Variants in AP4E1 observed in about 807,000 individuals in gnomAD.
AP4E1 encodes AP-4 complex subunit epsilon-1.
In AP4E1, 56 loss-of-function variants were observed where a neutral mutation model predicts 128.2. The ratio of observed to expected loss-of-function variants is 0.44; its 90% CI spans 0.35 to 0.55. The LOEUF is 0.55. Ranked by LOEUF, AP4E1 falls within the 20% of genes least tolerant of loss-of-function variation. The pLI is 0.00. For synonymous variants in AP4E1, 484 were observed against 473.1 expected, an observed-to-expected ratio of 1.02 and a Z score of -0.30; for missense variants, 1,324 against 1,307.7, an observed-to-expected ratio of 1.01 and a Z score of -0.19.
chr15:50,987,603 T>A (rs1157092008), intron 16 of AP4E1, among the ~76,000 whole-genome samples: 2 of 152,226 alleles, frequency 1.3e-5, no homozygotes, highest in African/African-American at 4.8e-5. Context: ...TTCCATGTAG[T>A]TGAGCGGTTT....
intron 15 of AP4E1, among the ~76,000 whole-genome samples, chr15:50,979,833 T>G (rs1254956390): frequency 1.3e-5 from 2 of 152,202 alleles, no homozygotes; most frequent in African/African-American, 4.8e-5. Context: ...CATTATAAAT[T>G]ACCTGTTCTG....
rs1283835710 is a variant in AP4E1 at position 50,958,762 on chromosome 15, C to G, written c.1819C>G (p.Leu607Val). The change falls in exon 14 of 21, where the codon CTT (leucine) becomes GTT (valine). Residue 607 changes from leucine (L) to valine (V), a missense_variant. Coordinates refer to ENST00000261842, the MANE Select transcript of AP4E1 (RefSeq NM_007347.5). ...HENVELMKSL[L>V]PVDRSCEDLV... ...GAATGTGGAACTTATGAAGAGCTTG[C>G]TTCCAGTTGACAGGAGTTGTGAAGA... is the stretch of plus-strand genomic sequence containing the variant. The G allele has an allele frequency of 6.2e-7, 1 of 1,614,034 alleles. No individual in the cohort carries two copies. The highest frequency in any genetic ancestry group is 1.3e-5 in the African/African-American group (1 of 74,940).
At chr15:50,956,858 C>G (rs966255479) in intron 13 of AP4E1, among the ~76,000 whole-genome samples, 13 of 152,180 alleles carry the variant, frequency 8.5e-5, no homozygotes, top group Admixed American at 1.3e-4. Context: ...CCCCTTGACC[C>G]CTTTGTGGGC....
intron 16 of AP4E1, among the ~76,000 whole-genome samples, chr15:50,986,899 G>T (rs933070821): frequency 6.6e-6 from 1 of 152,272 alleles, no homozygotes; most frequent in East Asian, 1.9e-4. Context: ...GCTCCTCCTT[G>T]TACCTCTGGT....
intron 18 of AP4E1, 142 bp from the exon 19 acceptor site, chr15:50,998,930 G>A (rs2064919213): frequency 2.7e-6 from 2 of 730,916 alleles, no homozygotes; most frequent in Non-Finnish European, 4.6e-6. Context: ...GAAGTTGCCA[G>A]TCATCTTCAT....
intron 16 of AP4E1, among the ~76,000 whole-genome samples, chr15:50,985,572 T>C (rs2064709409): frequency 6.6e-6 from 1 of 152,230 alleles, no homozygotes; most frequent in Non-Finnish European, 1.5e-5. Context: ...TAGGGAATCC[T>C]TTCCCCATTT....
intron 7 of AP4E1, among the ~76,000 whole-genome samples, chr15:50,931,835 G>A (rs1245601653): frequency 6.6e-6 from 1 of 151,968 alleles, no homozygotes; most frequent in Non-Finnish European, 1.5e-5. Flanking sequence ...TTAGGCCTGC[G>A]GGCTATAGTT....
intron 16 of AP4E1, among the ~76,000 whole-genome samples, chr15:50,990,235 A>T (rs1176608481): frequency 6.6e-6 from 1 of 151,914 alleles, no homozygotes; most frequent in Non-Finnish European, 1.5e-5. Flanking sequence ...ACTCATGTTT[A>T]AAAATATTAT....
chr15:50,936,520 C>G (rs1470449120), intron 8 of AP4E1, among the ~76,000 whole-genome samples: 1 of 152,098 alleles, frequency 6.6e-6, no homozygotes, highest in Non-Finnish European at 1.5e-5. Flanking sequence ...CCTTTCCACC[C>G]TTATCACCCA....
chr15:50,944,966 C>T, intron 10 of AP4E1: 1 of 763,646 alleles, frequency 1.3e-6, no homozygotes, highest in Non-Finnish European at 2.4e-6. Context: ...AGAAATGTAT[C>T]CATACAATAC....
upstream of AP4E1, chr15:50,908,637 T>G (rs1279400584): frequency 1.8e-6 from 2 of 1,121,008 alleles, no homozygotes; most frequent in Non-Finnish European, 2.4e-6. Context: ...ACGCTGAACT[T>G]GTTCAGGTGG....
At chr15:50,945,771 T>C (rs879116330) in intron 10 of AP4E1, 3 of 763,386 alleles carry the variant, frequency 3.9e-6, no homozygotes, top group South Asian at 1.4e-5. Context: ...AAAAAGCAGC[T>C]AAGGATTATA....
chr15:50,917,712 A>G lies in AP4E1; in HGVS notation c.346+2141A>G, dbSNP rs2063646352. ...ACTGCAGTTAAACTTACAGATGAATAACTTACATTGCTTATTCATACTTAC... is the reference window on the plus strand; with the variant it reads ...ACTGCAGTTAAACTTACAGATGAATGACTTACATTGCTTATTCATACTTAC... On this transcript the variant is annotated intron_variant, in intron 3 of 20. Transcript: ENST00000261842. Among the ~76,000 whole-genome samples the G allele has an allele frequency of 2.6e-5, 4 of 152,236 alleles. No individual in the cohort carries two copies. The South Asian group carries it at 8.3e-4, about 31-fold the overall frequency.
At chr15:50,944,014 A>G (rs1225515206) in intron 10 of AP4E1, among the ~76,000 whole-genome samples, 3 of 152,188 alleles carry the variant, frequency 2.0e-5, no homozygotes, top group Non-Finnish European at 1.5e-5. Context: ...ATTGTATTTC[A>G]TAATTATCCT....
intron 15 of AP4E1, among the ~76,000 whole-genome samples, chr15:50,970,618 C>G (rs921603527): frequency 8.5e-5 from 13 of 152,050 alleles, no homozygotes; most frequent in Admixed American, 7.9e-4. Flanking sequence ...CAGTGTCTTT[C>G]TTTGTCTCCT....
chr15:50,987,243 C>T (rs1218534473), intron 16 of AP4E1, among the ~76,000 whole-genome samples: 1 of 152,034 alleles, frequency 6.6e-6, no homozygotes, highest in Non-Finnish European at 1.5e-5. Context: ...TTGATCTTTT[C>T]AAAAAACCAG....
chr15:50,980,260 T>A (rs1350808106), intron 15 of AP4E1, among the ~76,000 whole-genome samples: 1 of 152,216 alleles, frequency 6.6e-6, no homozygotes, highest in Non-Finnish European at 1.5e-5. Context: ...ATCTTTCTTA[T>A]AAAGTGGCAA....
chr15:50,954,246 A>C (rs1379338393), intron 13 of AP4E1, among the ~76,000 whole-genome samples: 1 of 152,184 alleles, frequency 6.6e-6, no homozygotes, highest in Non-Finnish European at 1.5e-5. Flanking sequence ...TTTGGTATCA[A>C]AGTAATACTA....
intron 15 of AP4E1, 42 bp downstream of exon 15, chr15:50,968,419 G>T: frequency 9.4e-6 from 13 of 1,386,182 alleles, no homozygotes; most frequent in Non-Finnish European, 1.2e-5. Flanking sequence ...GTGTAGGGAT[G>T]TAATTTTTGA....
Sources: allele counts gnomAD v4.1 joint callset (sites outside exome capture counted in the v4.1 genomes callset), GRCh38; gene constraint gnomAD v4.1.1; transcripts MANE v1.5; gene names NCBI Gene and HGNC (gene_info 2026-07-23, HGNC 2026-07-21).